ZNF248: variants seen among roughly 807,000 people sequenced by gnomAD.
ZNF248 encodes KRAB protein domain.
ZNF248 carries 20 observed loss-of-function variants against 44.3 expected under a neutral mutation model. That is an observed-to-expected ratio of 0.45 (90% CI 0.32 to 0.66). The LOEUF (loss-of-function observed/expected upper bound fraction) is 0.66, where lower values mean the gene tolerates loss of function less well. Ranked by LOEUF, ZNF248 falls within the 30% of genes least tolerant of loss-of-function variation. The probability of loss-of-function intolerance (pLI) is 0.04; values close to 1 mark genes in which losing one functional copy is unlikely to be tolerated. For missense variants in ZNF248, 654 were observed against 677.0 expected (o/e 0.97, Z 0.38); for synonymous variants, 224 against 229.0 (o/e 0.98, Z 0.20).
chr10:37,780,790 C>G (rs561931418), intron 6 of ZNF248, among the ~76,000 whole-genome samples: 4 of 152,178 alleles, frequency 2.6e-5, no homozygotes, highest in African/African-American at 7.2e-5. Flanking sequence ...GCCCCCGAGC[C>G]GCGCGGGACC....
intron 6 of ZNF248, among the ~76,000 whole-genome samples, chr10:37,816,699 A>C (rs1170870028): frequency 6.6e-6 from 1 of 152,152 alleles, no homozygotes; most frequent in African/African-American, 2.4e-5. Flanking sequence ...CTGTACACTC[A>C]TTCAAATAAG....
intron 6 of ZNF248, among the ~76,000 whole-genome samples, chr10:37,815,097 C>T (rs989004507): frequency 6.6e-6 from 1 of 151,730 alleles, no homozygotes; most frequent in Non-Finnish European, 1.5e-5. Flanking sequence ...GATGGAGTCT[C>T]GTTCTGTACC....
chr10:37,828,910 A>C lies in ZNF248; in HGVS notation c.*2705T>G, dbSNP rs1362477659. ...TGTTGAAGGAGAGACATACCTGTGTAGTTCCAAAGGGAGTTTACTTATGCT... is the reference window on the plus strand; with the variant it reads ...TGTTGAAGGAGAGACATACCTGTGTCGTTCCAAAGGGAGTTTACTTATGCT... On this transcript the variant is annotated 3_prime_UTR_variant, in exon 6 of 6. Coordinates refer to ENST00000395867, the MANE Select transcript of ZNF248 (RefSeq NM_021045.3). 3 of 985,346 alleles carry C rather than the reference A, an allele frequency of 3.0e-6. No individual in the cohort carries two copies. Among genetic ancestry groups the C allele is most frequent in the Non-Finnish European group, 3.6e-6 (3 of 829,944 alleles). The allele number at this position is 985,346 out of a possible 1,614,324, so 61.0% of individuals were successfully genotyped here. A position where few individuals can be genotyped will look rare whatever the true frequency, so the allele number is the denominator to read the frequency against.
chr10:37,817,189 T>C (rs1427694785), intron 6 of ZNF248, among the ~76,000 whole-genome samples: 2 of 152,120 alleles, frequency 1.3e-5, no homozygotes, highest in African/African-American at 4.8e-5. Flanking sequence ...CACTTAGAGT[T>C]TGTCATATTG....
In ZNF248 at chr10:37,830,940, A is replaced by G; in HGVS notation, c.*675T>C. On this transcript the variant is annotated 3_prime_UTR_variant, in exon 6 of 6. Transcript: ENST00000395867. Reference sequence around the variant, plus strand: ...GACTGCTTTTAATAACTGGCTCACAAAATTCCTTAAAATTTAACAATCAGA... The same window carrying G: ...GACTGCTTTTAATAACTGGCTCACAGAATTCCTTAAAATTTAACAATCAGA... 5.4e-6 allele frequency: 2 copies of G among 368,290 alleles called. No homozygotes were observed. Among genetic ancestry groups the G allele is most frequent in the Non-Finnish European group, 7.8e-6 (2 of 256,502 alleles). The allele number at this position is 368,290 out of a possible 1,614,324, so 22.8% of individuals were successfully genotyped here.
chr10:37,842,521 GGGTCCT>G (rs2058519918), intron 3 of ZNF248, among the ~76,000 whole-genome samples: 1 of 152,176 alleles, frequency 6.6e-6, no homozygotes, highest in Admixed American at 6.5e-5. Flanking sequence ...TTCCAAGTGT[GGGTCCT>G]GGTCCTTGAT....
intron 3 of ZNF248, among the ~76,000 whole-genome samples, chr10:37,847,529 A>G (rs1744610713): frequency 6.6e-6 from 1 of 152,194 alleles, no homozygotes. Context: ...TTAGGGGTAA[A>G]GTGTTATAAT....
chr10:37,823,841 T>C (rs2053907455), downstream of ZNF248, among the ~76,000 whole-genome samples: 1 of 152,044 alleles, frequency 6.6e-6, no homozygotes, highest in African/African-American at 2.4e-5. Context: ...CCCAAATTGC[T>C]AGGATTACAG....
intron 1 of ZNF248, 76 bp from the exon 2 acceptor site, chr10:37,856,608 T>A (rs948214694): frequency 1.8e-6 from 2 of 1,084,822 alleles, no homozygotes; most frequent in African/African-American, 3.4e-5. Context: ...AAAAACACTA[T>A]GGGTTTGTCA....
chr10:37,837,854 C>T, intron 4 of ZNF248, 131 bp downstream of exon 4: 1 of 1,383,144 alleles, frequency 7.2e-7, no homozygotes, highest in Non-Finnish European at 9.9e-7. Context: ...AAGGCAAGAG[C>T]ACCTTTATGG....
the ZNF248 span, among the ~76,000 whole-genome samples, chr10:37,767,192 C>A: frequency 6.6e-6 from 1 of 152,174 alleles, no homozygotes; most frequent in Non-Finnish European, 1.5e-5. Context: ...CAAGTTGGAA[C>A]ACACTCTGCA....
At chr10:37,797,536 G>A (rs1336646973) in intron 6 of ZNF248, among the ~76,000 whole-genome samples, 3 of 152,048 alleles carry the variant, frequency 2.0e-5, no homozygotes, top group Admixed American at 1.3e-4. Flanking sequence ...ATGGGAAAAA[G>A]TATTTGTAAA....
intron 3 of ZNF248, among the ~76,000 whole-genome samples, chr10:37,855,763 A>ATT (rs2061177764): frequency 6.6e-6 from 1 of 152,274 alleles, no homozygotes; most frequent in South Asian, 2.1e-4. Context: ...AGGTGAGGGA[A>ATT]TAAGGTTGCA....
At chr10:37,780,195 C>T (rs1366983167) in intron 6 of ZNF248, among the ~76,000 whole-genome samples, 1 of 151,736 alleles carries the variant, frequency 6.6e-6, no homozygotes, top group African/African-American at 2.4e-5. Context: ...CAAAAAGGAG[C>T]CCGCATCGCC....
intron 6 of ZNF248, chr10:37,819,935 C>A (rs2053181424): frequency 1.3e-6 from 1 of 770,636 alleles, no homozygotes; most frequent in Non-Finnish European, 2.4e-6. Context: ...GTAAACGAGG[C>A]CCCATGTCGG....
intron 3 of ZNF248, among the ~76,000 whole-genome samples, chr10:37,852,323 A>G (rs1276958561): frequency 6.6e-6 from 1 of 152,182 alleles, no homozygotes; most frequent in Non-Finnish European, 1.5e-5. Flanking sequence ...GTTGACACAT[A>G]TACAACCCGG....
chr10:37,765,393 A>C, the ZNF248 span, among the ~76,000 whole-genome samples: 1 of 152,230 alleles, frequency 6.6e-6, no homozygotes, highest in Non-Finnish European at 1.5e-5. Context: ...AAGTTTCAGC[A>C]TCCACATATT....
chr10:37,827,678 GT>G (rs1444085879), downstream of ZNF248, among the ~76,000 whole-genome samples: 1 of 152,118 alleles, frequency 6.6e-6, no homozygotes, highest in African/African-American at 2.4e-5. Flanking sequence ...ATGGGAATAG[GT>G]AAGTCTTCCT....
chr10:37,764,476 T>C, the ZNF248 span, among the ~76,000 whole-genome samples: 7 of 152,200 alleles, frequency 4.6e-5, no homozygotes, highest in African/African-American at 1.7e-4. Flanking sequence ...TATTACCTTG[T>C]GAAGCATGTG....
Sources: gnomAD v4.1 joint callset for allele counts (sites outside exome capture counted in the v4.1 genomes callset) on GRCh38, gnomAD v4.1.1 for gene constraint, MANE v1.5 for transcripts, NCBI Gene and HGNC (gene_info 2026-07-23, HGNC 2026-07-21) for gene names.